Variants in ZFP41 observed in about 807,000 individuals in gnomAD.
ZFP41 encodes ZFP41 zinc finger protein, also known as zinc finger protein 41 homolog.
A neutral mutation model predicts 11.6 loss-of-function variants in ZFP41; 10 were observed. The ratio of observed to expected loss-of-function variants is 0.86; its 90% CI spans 0.53 to 1.47. The LOEUF (loss-of-function observed/expected upper bound fraction) is 1.47, where lower values mean the gene tolerates loss of function less well. ZFP41 is among the 40% of genes most tolerant of loss of function. The pLI is 0.00. For synonymous variants in ZFP41, 123 were observed against 100.9 expected (o/e 1.22, Z -1.31); for missense variants, 302 against 264.6 (o/e 1.14, Z -0.98).
At chr8:143,259,568 A>C (rs1470760451) in intron 2 of ZFP41, among the ~76,000 whole-genome samples, 1 of 152,120 alleles carries the variant, frequency 6.6e-6, no homozygotes, top group Non-Finnish European at 1.5e-5. Flanking sequence ...CCTGGGGTGC[A>C]CGGGTTAACG....
At chr8:143,247,907 T>C (rs1243789800) in intron 1 of ZFP41, among the ~76,000 whole-genome samples, 1 of 152,134 alleles carries the variant, frequency 6.6e-6, no homozygotes, top group Non-Finnish European at 1.5e-5. Flanking sequence ...GCAACTTCTA[T>C]CTCCTGGGTT....
chr8:143,247,769 T>A (rs1340066263), intron 1 of ZFP41: 1 of 152,278 alleles, frequency 6.6e-6, no homozygotes, highest in Non-Finnish European at 1.5e-5. Context: ...AGAAAATCGC[T>A]ATGGTCCAAT....
chr8:143,250,525 T>A lies in ZFP41; in HGVS notation c.*85T>A, dbSNP rs1814711814. 6.5e-7 allele frequency: 1 copy of A among 1,545,492 alleles called. No homozygotes were observed. The highest frequency in any genetic ancestry group is 8.7e-7 in the Non-Finnish European group (1 of 1,146,294). On this transcript the variant is annotated 3_prime_UTR_variant, in exon 2 of 3. Coordinates refer to ENST00000330701, the MANE Select transcript of ZFP41 (RefSeq NM_173832.6). Reference sequence around the variant, plus strand: ...TGGCTCCCTCGTGTCCCGCGTCTGATGGGGGCGCAGGGCCGTGCGCACTGT... The same window carrying A: ...TGGCTCCCTCGTGTCCCGCGTCTGAAGGGGGCGCAGGGCCGTGCGCACTGT...
chr8:143,256,030 G>T (rs1814903918), intron 2 of ZFP41, among the ~76,000 whole-genome samples: 1 of 62,850 alleles, frequency 1.6e-5, no homozygotes, highest in African/African-American at 9.8e-5. Context: ...TGAGATCAGG[G>T]CTCACCCCGC....
Position 143,250,820 on chromosome 8 carries a change from A to C in ZFP41, c.*380A>C, listed in dbSNP as rs1814727880. 3.7e-6 allele frequency: 1 copy of C among 269,628 alleles called. No homozygotes were observed. Among genetic ancestry groups the C allele is most frequent in the Admixed American group, 4.8e-5 (1 of 20,654 alleles). 16.7% of individuals were successfully genotyped at this position (269,628 alleles called of 1,614,324 possible). A position where few individuals can be genotyped will look rare whatever the true frequency, so the allele number is the denominator to read the frequency against. On this transcript the variant is annotated 3_prime_UTR_variant, in exon 2 of 3. Coordinates refer to ENST00000330701, the MANE Select transcript of ZFP41 (RefSeq NM_173832.6). The stretch of plus-strand genomic sequence containing the variant: ...ACCCAGCAGGAGAGGCTCCTGGTGT[A>C]GTGGGCAGCCCAGCACTTCCCGCTG...
At chr8:143,257,664 C>G (rs1225775281) in intron 2 of ZFP41, among the ~76,000 whole-genome samples, 3 of 152,180 alleles carry the variant, frequency 2.0e-5, no homozygotes, top group Non-Finnish European at 4.4e-5. Context: ...AATCACCCAT[C>G]AGGAATGAGA....
rs1279937273 is a variant in ZFP41 at position 143,251,253 on chromosome 8, T to C, written c.*813T>C. 2 of 167,266 alleles carry C rather than the reference T, an allele frequency of 1.2e-5. No individual in the cohort carries two copies. Among genetic ancestry groups the C allele is most frequent in the Admixed American group, 1.3e-4 (2 of 15,294 alleles). The allele number at this position is 167,266 out of a possible 1,614,324, so 10.4% of individuals were successfully genotyped here. A position where few individuals can be genotyped will look rare whatever the true frequency, so the allele number is the denominator to read the frequency against. On this transcript the variant is annotated 3_prime_UTR_variant, in exon 2 of 3. Coordinates refer to ENST00000330701, the MANE Select transcript of ZFP41 (RefSeq NM_173832.6). ...ATGCAGTGGGGCCCCTGGGGTGCCC[T>C]CGGCAGCTTCGGTCCAGCCTGCATC...
chr8:143,249,826 C>G lies in ZFP41; in HGVS notation c.-18C>G, dbSNP rs573705627. ...GGTCAGCAGCCCCTTAGCCCTCACG[C>G]TTCCAAGGAACAGAATGATGGAGAA... is the stretch of plus-strand genomic sequence containing the variant. On this transcript the variant is annotated 5_prime_UTR_variant, in exon 2 of 3. Coordinates refer to ENST00000330701, the MANE Select transcript of ZFP41 (RefSeq NM_173832.6). 3.8e-6 allele frequency: 6 copies of G among 1,561,844 alleles called. No homozygotes were observed. The South Asian group carries it at 7.3e-5, about 19-fold the overall frequency.
Position 143,260,492 on chromosome 8 carries a change from C to G in ZFP41, c.*1618C>G, listed in dbSNP as rs1052936488. The stretch of plus-strand genomic sequence containing the variant: ...AAGTGTACTGGGGGAGACGTGAGGA[C>G]CTTTCAGCCAAGTGTCAGCGTTCTT... On this transcript the variant is annotated 3_prime_UTR_variant, in exon 3 of 3. Transcript: ENST00000330701. The G allele has an allele frequency of 6.2e-6, 1 of 160,668 alleles. No individual in the cohort carries two copies. The highest frequency in any genetic ancestry group is 2.4e-5 in the African/African-American group (1 of 41,494). 10.0% of individuals were successfully genotyped at this position (160,668 alleles called of 1,614,324 possible). A position where few individuals can be genotyped will look rare whatever the true frequency, so the allele number is the denominator to read the frequency against.
At chr8:143,247,872 T>A (rs8180994) in intron 1 of ZFP41, 61,302 of 152,048 alleles carry the variant, frequency 0.4, 14,192 homozygotes, top group East Asian at 0.69. Flanking sequence ...CAGGCAGGAG[T>A]GCACTGGCGC....
At chr8:143,258,384 G>A (rs992226950) in intron 2 of ZFP41, among the ~76,000 whole-genome samples, 1 of 152,148 alleles carries the variant, frequency 6.6e-6, no homozygotes, top group African/African-American at 2.4e-5. Flanking sequence ...CCCTTCCTGT[G>A]ACTGAGAGAG....
chr8:143,247,347 C>G (rs1181425646), intron 1 of ZFP41: 2 of 152,294 alleles, frequency 1.3e-5, no homozygotes, highest in Non-Finnish European at 2.9e-5. Flanking sequence ...TAACTAGGAG[C>G]ACGCACGGGA....
rs754956957 is a variant in ZFP41 at position 143,250,301 on chromosome 8, A to C, written c.458A>C (p.Asn153Thr). The change falls in exon 2 of 3, where the codon AAC (asparagine) becomes ACC (threonine). Residue 153 changes from asparagine to threonine, a missense_variant. Coordinates refer to ENST00000330701, the MANE Select transcript of ZFP41 (RefSeq NM_173832.6). ...FKCGECGKAFNCGSNLLKHQK... is the reference protein window; with the variant it reads ...FKCGECGKAFTCGSNLLKHQK... ...TGCGGGGAGTGCGGGAAAGCCTTTAACTGCGGCTCCAATCTCCTGAAACAT... is the reference window on the plus strand; with the variant it reads ...TGCGGGGAGTGCGGGAAAGCCTTTACCTGCGGCTCCAATCTCCTGAAACAT... 8 of 1,613,870 alleles carry C rather than the reference A, an allele frequency of 5.0e-6. No individual in the cohort carries two copies. The African/African-American group carries it at 9.3e-5, about 19-fold the overall frequency.
chr8:143,256,101 C>G (rs1814906165), intron 2 of ZFP41, among the ~76,000 whole-genome samples: 1 of 61,836 alleles, frequency 1.6e-5, no homozygotes, highest in Non-Finnish European at 2.9e-5. Context: ...GATCAGGGCT[C>G]GCCCCGCGTG....
intron 2 of ZFP41, among the ~76,000 whole-genome samples, chr8:143,258,670 G>A (rs528546804): frequency 6.6e-6 from 1 of 152,158 alleles, no homozygotes; most frequent in Admixed American, 6.5e-5. Flanking sequence ...CAAAACAGGA[G>A]TTCAAGACCA....
intron 2 of ZFP41, among the ~76,000 whole-genome samples, chr8:143,255,633 G>A (rs1454152112): frequency 1.5e-5 from 2 of 129,700 alleles, no homozygotes; most frequent in Non-Finnish European, 3.2e-5. Flanking sequence ...CTCACCCCGC[G>A]TGCTGGTGTT....
intron 2 of ZFP41, among the ~76,000 whole-genome samples, 185 bp from the exon 3 acceptor site, chr8:143,259,590 G>A (rs1277738007): frequency 2.7e-5 from 4 of 148,730 alleles, no homozygotes; most frequent in Admixed American, 6.7e-5. Flanking sequence ...CCACTTCCAC[G>A]CCCCCCACTG....
At position 143,255,700 on chromosome 8, in the gene ZFP41, C is replaced by T. The variant is rs1255602612; in HGVS notation, c.*901-4075C>T. ...GTTAGTGAGATCAGGGCTCGCCCCG[C>T]GTGCTGGTGTTAGTGAGATCACGGC... On this transcript the variant is annotated intron_variant, in intron 2 of 2. Coordinates refer to ENST00000330701, the MANE Select transcript of ZFP41 (RefSeq NM_173832.6). Among the ~76,000 whole-genome samples, 4 of 127,014 alleles carry T rather than the reference C, an allele frequency of 3.1e-5. No homozygotes were observed. In the East Asian group the frequency reaches 7.7e-4, roughly 24 times the overall value. 83.3% of individuals were successfully genotyped at this position (127,014 alleles called of 152,430 possible). A position where few individuals can be genotyped will look rare whatever the true frequency, so the allele number is the denominator to read the frequency against.
At position 143,249,906 on chromosome 8, in the gene ZFP41, G is replaced by A. The variant is rs1563725306; in HGVS notation, c.63G>A (p.Gln21=). 3 of 1,613,594 alleles carry A rather than the reference G, an allele frequency of 1.9e-6. No individual in the cohort carries two copies. Among genetic ancestry groups the A allele is most frequent in the Non-Finnish European group, 2.5e-6 (3 of 1,179,808 alleles). ...CCCCAAGGGAGGAGGCAGACGTGCA[G>A]AAGAGTGCGCTCAGAGAGGAGAAGG... The part of the protein sequence containing the change: ...TPTPREEADV[Q]KSALREEKVS... Residue 21 remains glutamine, a synonymous_variant, in exon 2 of 3, where the codon CAG becomes CAA. Transcript: ENST00000330701.
Sources: gnomAD v4.1 joint callset for allele counts (sites outside exome capture counted in the v4.1 genomes callset) on GRCh38, gnomAD v4.1.1 for gene constraint, MANE v1.5 for transcripts, NCBI Gene and HGNC (gene_info 2026-07-23, HGNC 2026-07-21) for gene names.